Variants in TNR observed in about 807,000 individuals in gnomAD.
The protein encoded by TNR is tenascin R.
In TNR, 45 loss-of-function variants were observed where a neutral mutation model predicts 150.4. The ratio of observed to expected loss-of-function variants is 0.30; its 90% CI spans 0.24 to 0.38. The LOEUF is 0.38. Among genes scored for constraint, TNR ranks in the 10% least tolerant of loss-of-function variants. The pLI is 1.00. For synonymous variants in TNR, 687 were observed against 678.4 expected, an observed-to-expected ratio of 1.01 and a Z score of -0.20; for missense variants, 1,544 against 1,759.1, an observed-to-expected ratio of 0.88 and a Z score of 2.19.
At chr1:175,539,863 A>G (rs1423935551) in intron 1 of TNR, among the ~76,000 whole-genome samples, 2 of 152,202 alleles carry the variant, frequency 1.3e-5, no homozygotes, top group Non-Finnish European at 2.9e-5. Context: ...AGTAGCTCAC[A>G]CTATAGCATA....
chr1:175,413,170 C>G (rs1054132932), intron 2 of TNR, among the ~76,000 whole-genome samples: 1 of 152,168 alleles, frequency 6.6e-6, no homozygotes, highest in Non-Finnish European at 1.5e-5. Context: ...GGATTATAGG[C>G]GTGTGCCACC....
At chr1:175,354,880 T>C (rs754471993) in intron 17 of TNR, among the ~76,000 whole-genome samples, 30 of 152,234 alleles carry the variant, frequency 2.0e-4, no homozygotes, top group Non-Finnish European at 4.4e-5. Context: ...TCTGCTGAAA[T>C]GTATTCTGTG....
chr1:175,411,969 G>C (rs1654234109), intron 2 of TNR, among the ~76,000 whole-genome samples: 3 of 152,190 alleles, frequency 2.0e-5, no homozygotes, highest in Middle Eastern at 3.4e-3. Context: ...TAGGAGTCAA[G>C]ATATTTAGCG....
chr1:175,697,485 G>T (rs1276414061), intron 1 of TNR, among the ~76,000 whole-genome samples: 1 of 151,780 alleles, frequency 6.6e-6, no homozygotes, highest in African/African-American at 2.4e-5. Flanking sequence ...CCTTAAGGTT[G>T]CTCCTTCCTG....
chr1:175,703,877 A>G (rs1666771103), intron 1 of TNR, among the ~76,000 whole-genome samples: 1 of 152,206 alleles, frequency 6.6e-6, no homozygotes, highest in South Asian at 2.1e-4. Context: ...CCTGGCTACC[A>G]CTTGCCAATG....
intron 1 of TNR, among the ~76,000 whole-genome samples, chr1:175,594,572 G>A (rs1662930654): frequency 6.6e-6 from 1 of 152,048 alleles, no homozygotes. Flanking sequence ...TTATTTTAGA[G>A]GCCCAGGCAC....
chr1:175,315,526 T>C lies in TNR; in HGVS notation c.*7831A>G, dbSNP rs758300346. ...GCTACAAAGTCAATAAATTGGTCTT[T>C]GTTATTTTTACCTGAAAAGGCTGTT... is the stretch of plus-strand genomic sequence containing the variant. On this transcript the variant is annotated 3_prime_UTR_variant, in exon 23 of 23. Coordinates refer to ENST00000367674, the MANE Select transcript of TNR (RefSeq NM_003285.3). The C allele has an allele frequency of 1.3e-5, 2 of 152,240 alleles. No homozygotes were observed. Among genetic ancestry groups the C allele is most frequent in the Non-Finnish European group, 2.9e-5 (2 of 68,044 alleles). 9.4% of individuals were successfully genotyped at this position (152,240 alleles called of 1,614,324 possible). A position where few individuals can be genotyped will look rare whatever the true frequency, so the allele number is the denominator to read the frequency against.
chr1:175,649,075 C>T (rs1664881324), intron 1 of TNR, among the ~76,000 whole-genome samples: 1 of 152,208 alleles, frequency 6.6e-6, no homozygotes, highest in African/African-American at 2.4e-5. Flanking sequence ...AGGCCATGCC[C>T]CTCCCTGCTT....
At chr1:175,452,001 G>C (rs1243261428) in intron 2 of TNR, among the ~76,000 whole-genome samples, 1 of 152,206 alleles carries the variant, frequency 6.6e-6, no homozygotes, top group African/African-American at 2.4e-5. Flanking sequence ...GCTGTGCCAT[G>C]CCACATGTTT....
At chr1:175,402,466 C>T (rs1653758270) in intron 4 of TNR, among the ~76,000 whole-genome samples, 1 of 150,954 alleles carries the variant, frequency 6.6e-6, no homozygotes, top group Admixed American at 6.6e-5. Context: ...TTCTAATTTG[C>T]TAGATAGTCA....
chr1:175,677,913 G>A (rs1665912063), intron 1 of TNR, among the ~76,000 whole-genome samples: 1 of 152,154 alleles, frequency 6.6e-6, no homozygotes, highest in South Asian at 2.1e-4. Flanking sequence ...GAATGACAGA[G>A]AGAGGAAAGA....
At chr1:175,349,358 T>C (rs1016120481) in intron 18 of TNR, among the ~76,000 whole-genome samples, 1 of 152,008 alleles carries the variant, frequency 6.6e-6, no homozygotes, top group Non-Finnish European at 1.5e-5. Flanking sequence ...TTTGGGAGAA[T>C]GGAGAGGTAA....
At chr1:175,427,103 T>C (rs1557927365) in intron 2 of TNR, among the ~76,000 whole-genome samples, 1 of 150,472 alleles carries the variant, frequency 6.6e-6, no homozygotes, top group Non-Finnish European at 1.5e-5. Context: ...CACAATGCCA[T>C]GCATTCTAAT....
chr1:175,663,058 A>G (rs1477159886), intron 1 of TNR, among the ~76,000 whole-genome samples: 1 of 152,188 alleles, frequency 6.6e-6, no homozygotes, highest in East Asian at 1.9e-4. Context: ...GCCCTTGGTA[A>G]GTGCACAAAA....
chr1:175,621,767 T>C (rs1455090786), intron 1 of TNR, among the ~76,000 whole-genome samples: 1 of 152,214 alleles, frequency 6.6e-6, no homozygotes, highest in African/African-American at 2.4e-5. Context: ...ATACCTTCTC[T>C]AAGCACTTAG....
intron 1 of TNR, among the ~76,000 whole-genome samples, chr1:175,711,646 G>A (rs1161590040): frequency 6.6e-6 from 1 of 152,212 alleles, no homozygotes; most frequent in Non-Finnish European, 1.5e-5. Context: ...CCAGGCAGAG[G>A]ACTGTGGCCG....
chr1:175,407,668 C>T (rs538883639), intron 2 of TNR, among the ~76,000 whole-genome samples: 4 of 152,292 alleles, frequency 2.6e-5, no homozygotes, highest in East Asian at 3.9e-4. Flanking sequence ...GACTATTCGT[C>T]GGAGAAGAAG....
At chr1:175,340,551 C>A (rs1474057508) in intron 18 of TNR, among the ~76,000 whole-genome samples, 1 of 152,184 alleles carries the variant, frequency 6.6e-6, no homozygotes, top group African/African-American at 2.4e-5. Flanking sequence ...AAGGCAGAGG[C>A]TCACTAATGG....
At chr1:175,413,676 A>G (rs1426965406) in intron 2 of TNR, among the ~76,000 whole-genome samples, 1 of 158 alleles carries the variant, frequency 6.3e-3, no homozygotes, top group African/African-American at 0.024. Context: ...AAGAGATAAA[A>G]TGGTGGATAG....
Sources: allele counts gnomAD v4.1 joint callset (sites outside exome capture counted in the v4.1 genomes callset), GRCh38; gene constraint gnomAD v4.1.1; transcripts MANE v1.5; gene names NCBI Gene and HGNC (gene_info 2026-07-23, HGNC 2026-07-21).